The following IFT172 variants were observed in gnomAD, a reference collection of about 807,000 sequenced individuals.
IFT172 encodes the protein intraflagellar transport protein 172 homolog.
Under a neutral mutation model 248.9 loss-of-function variants are expected in IFT172, and 164 were observed. That is an observed-to-expected ratio of 0.66 (90% CI 0.58 to 0.75). The LOEUF (loss-of-function observed/expected upper bound fraction) is 0.75, where lower values mean the gene tolerates loss of function less well. Among genes scored for constraint, IFT172 ranks in the 30% least tolerant of loss-of-function variants. The pLI is 0.00. For synonymous variants in IFT172, 729 were observed against 791.6 expected (o/e 0.92, Z 1.33); for missense variants, 1,950 against 2,192.4 (o/e 0.89, Z 2.21).
Position 27,488,287 on chromosome 2 carries a change from G to C in IFT172, c.39+1328C>G, listed in dbSNP as rs189072381. On this transcript the variant is annotated intron_variant, in intron 1 of 47. Transcript: ENST00000260570. The stretch of plus-strand genomic sequence containing the variant: ...TCCTTCCTCAGCCTCCTGAGTAGCT[G>C]GGATTACAGGCGGCTGCTGCCACGC... 2.5e-4 allele frequency among the ~76,000 whole-genome samples: 38 copies of C among 152,268 alleles called. No homozygotes were observed. The East Asian group carries it at 6.6e-3, about 26-fold the overall frequency.
intron 18 of IFT172, 167 bp downstream of exon 18, chr2:27,465,244 T>G: frequency 1.6e-6 from 1 of 634,094 alleles, no homozygotes; most frequent in Non-Finnish European, 2.8e-6. Flanking sequence ...TAATCTAGGA[T>G]GGGAGAGTGT....
chr2:27,484,870 A>G lies in IFT172; in HGVS notation c.296+148T>C, dbSNP rs1002033413. 6 of 630,388 alleles carry G rather than the reference A, an allele frequency of 9.5e-6. No homozygotes were observed. In the African/African-American group the frequency reaches 1.1e-4, roughly 12 times the overall value. 39.0% of individuals were successfully genotyped at this position (630,388 alleles called of 1,614,324 possible). A position where few individuals can be genotyped will look rare whatever the true frequency, so the allele number is the denominator to read the frequency against. The stretch of plus-strand genomic sequence containing the variant: ...AAGAACACGTGGGACAGGTGAAGGC[A>G]GAAAAGCAAAAACAGACTCCAGAAA... On this transcript the variant is annotated intron_variant, in intron 3 of 47. Coordinates refer to ENST00000260570, the MANE Select transcript of IFT172 (RefSeq NM_015662.3).
chr2:27,478,295 A>C (rs1324303959), intron 10 of IFT172, 139 bp from the exon 11 acceptor site: 2 of 926,950 alleles, frequency 2.2e-6, no homozygotes, highest in Non-Finnish European at 3.2e-6. Context: ...TATTGTTGAT[A>C]GTAATGATAT....
chr2:27,458,290 C>T (rs1666341231), intron 26 of IFT172, 67 bp from the exon 27 acceptor site: 3 of 1,321,484 alleles, frequency 2.3e-6, no homozygotes, highest in East Asian at 2.3e-5. Context: ...TTCAAGGAAA[C>T]CTGCTTGTTC....
In IFT172 at chr2:27,465,510, G is replaced by C. The variant is rs750055951; in HGVS notation, c.1838C>G (p.Ala613Gly). 1.2e-6 allele frequency: 2 copies of C among 1,613,976 alleles called. No individual in the cohort carries two copies. Among genetic ancestry groups the C allele is most frequent in the Non-Finnish European group, 1.7e-6 (2 of 1,180,006 alleles). Reference protein sequence around the residue: ...IDDGNYIRATAFLETLEMTPE... With the variant: ...IDDGNYIRATGFLETLEMTPE... ...GGTCATTTCCAGAGTCTCTAAGAAGGCTGTTGCCCTGGAAAGGGAAGGAAG... is the reference window on the plus strand; with the variant it reads ...GGTCATTTCCAGAGTCTCTAAGAAGCCTGTTGCCCTGGAAAGGGAAGGAAG... Residue 613 changes from alanine (A) to glycine (G), a missense_variant, in exon 18 of 48, where the codon GCC becomes GGC. Transcript: ENST00000260570.
rs1223796005 is a variant in IFT172 at position 27,465,729 on chromosome 2, A to G, written c.1829+17T>C. The G allele has an allele frequency of 6.2e-7, 1 of 1,613,906 alleles. No homozygotes were observed. Among genetic ancestry groups the G allele is most frequent in the Non-Finnish European group, 8.5e-7 (1 of 1,179,992 alleles). ...AGACTCTCCCACCACCTCACTGGTT[A>G]TTGGCCAGCCTCTCACCGGATGTAG... On this transcript the variant is annotated intron_variant, in intron 17 of 47. Transcript: ENST00000260570.
At chr2:27,486,821 T>C (rs1430809318) in intron 1 of IFT172, among the ~76,000 whole-genome samples, 1 of 152,246 alleles carries the variant, frequency 6.6e-6, no homozygotes, top group East Asian at 1.9e-4. Context: ...ATTTTTCCAT[T>C]AGGGCGGAGA....
At chr2:27,487,467 T>C (rs1468263195) in intron 1 of IFT172, among the ~76,000 whole-genome samples, 1 of 152,236 alleles carries the variant, frequency 6.6e-6, no homozygotes, top group Non-Finnish European at 1.5e-5. Context: ...TTTTACCTCA[T>C]AACACTGAGG....
rs1309543802 is a variant in IFT172, at chr2:27,465,530, A to T, written c.1830-12T>A. The T allele has an allele frequency of 1.2e-6, 2 of 1,612,066 alleles. No individual in the cohort carries two copies. The highest frequency in any genetic ancestry group is 1.7e-6 in the Non-Finnish European group (2 of 1,178,236). ...AGAAGGCTGTTGCCCTGGAAAGGGA[A>T]GGAAGCAAAGCATAATGAATGAGGA... is the stretch of plus-strand genomic sequence containing the variant. On this transcript the variant is annotated splice_polypyrimidine_tract_variant and intron_variant, in intron 17 of 47. Coordinates refer to ENST00000260570, the MANE Select transcript of IFT172 (RefSeq NM_015662.3).
chr2:27,463,762 GAA>G (rs1185479536), intron 18 of IFT172, among the ~76,000 whole-genome samples: 2 of 152,144 alleles, frequency 1.3e-5, no homozygotes, highest in African/African-American at 2.4e-5. Context: ...GCAGGATGGG[GAA>G]AAGTTATTCC....
At chr2:27,456,412 C>T in intron 30 of IFT172, 99 bp downstream of exon 30, 3 of 1,462,534 alleles carry the variant, frequency 2.1e-6, no homozygotes, top group South Asian at 1.3e-5. Context: ...CTATCATGTC[C>T]TTCCAAGGAT....
rs1284232579 is a variant in IFT172, at chr2:27,462,695, T to C, written c.2115+6A>G. The stretch of plus-strand genomic sequence containing the variant: ...CTCTTCCATCCTGTCCCTCTTTTCC[T>C]ATTACCTGTTCCAAAAAGATCATTT... On this transcript the variant is annotated splice_donor_region_variant and intron_variant, in intron 20 of 47. Coordinates refer to ENST00000260570, the MANE Select transcript of IFT172 (RefSeq NM_015662.3). The C allele has an allele frequency of 6.2e-7, 1 of 1,611,846 alleles. No homozygotes were observed. The highest frequency in any genetic ancestry group is 8.5e-7 in the Non-Finnish European group (1 of 1,177,958).
In IFT172 at chr2:27,445,563, C is replaced by T. The variant is rs80323009; in HGVS notation, c.4915-114G>A. 1.8e-5 allele frequency: 24 copies of T among 1,337,272 alleles called. No homozygotes were observed. In the East Asian group the frequency reaches 5.6e-4, roughly 31 times the overall value. 82.8% of individuals were successfully genotyped at this position (1,337,272 alleles called of 1,614,324 possible). ...CCTCATCCTGTATACCAGCTTTTAG[C>T]CACGAATCCTCCTTGGATTGGGGGA... On this transcript the variant is annotated intron_variant, in intron 45 of 47. Coordinates refer to ENST00000260570, the MANE Select transcript of IFT172 (RefSeq NM_015662.3). This position sits in a 1 kb window ranked among gnomAD's most constrained non-coding sequence, Gnocchi z 4.4.
intron 14 of IFT172, among the ~76,000 whole-genome samples, chr2:27,475,881 C>T (rs1667923122): frequency 6.6e-6 from 1 of 151,972 alleles, no homozygotes; most frequent in East Asian, 1.9e-4. Flanking sequence ...ATCCGCCCGC[C>T]TCAGCCTCCC....
intron 42 of IFT172, 143 bp from the exon 43 acceptor site, chr2:27,446,498 GT>G (rs11430923): frequency 1.7e-4 from 100 of 587,570 alleles, no homozygotes; most frequent in Admixed American, 4.0e-4. Flanking sequence ...CTGGGTCTTA[GT>G]TTTTTTTTTC....
In IFT172 at chr2:27,457,670, C is replaced by T. The variant is rs759282959; in HGVS notation, c.3197G>A (p.Arg1066Gln). Residue 1066 changes from arginine to glutamine, a missense_variant, in exon 29 of 48, where the codon CGG becomes CAG. By Grantham distance (43) the Arg-to-Gln change is conservative. Around this residue, in one of 3 missense-constraint regions of IFT172, gnomAD observed 164 missense variants for 239.3 expected, o/e 0.69. Coordinates refer to ENST00000260570, the MANE Select transcript of IFT172 (RefSeq NM_015662.3). Reference sequence around the variant, plus strand: ...GGCCTCTTCCCAAAGCCCACTGGCCCGGTACATGTTCACTGTTGCCTTCCA... The same window carrying T: ...GGCCTCTTCCCAAAGCCCACTGGCCTGGTACATGTTCACTGTTGCCTTCCA... ...QEWKATVNMY[R>Q]ASGLWEEAYR... The T allele has an allele frequency of 1.4e-5, 23 of 1,614,074 alleles. No homozygotes were observed. Among genetic ancestry groups the T allele is most frequent in the African/African-American group, 4.0e-5 (3 of 74,930 alleles).
chr2:27,458,353 C>G (rs1179686776), intron 26 of IFT172, 130 bp from the exon 27 acceptor site: 19 of 737,276 alleles, frequency 2.6e-5, no homozygotes, highest in Middle Eastern at 2.9e-4. Flanking sequence ...TGCCACTCTA[C>G]TAGTGAGGTT....
At chr2:27,450,199 T>C (rs1195588542) in intron 35 of IFT172, 103 bp from the exon 36 acceptor site, 1 of 821,114 alleles carries the variant, frequency 1.2e-6, no homozygotes, top group African/African-American at 1.7e-5. Context: ...ATGCCAACTT[T>C]TTCTCTTACT....
chr2:27,489,318 C>A (rs1391225338), intron 1 of IFT172, among the ~76,000 whole-genome samples: 1 of 152,210 alleles, frequency 6.6e-6, no homozygotes, highest in Non-Finnish European at 1.5e-5. Flanking sequence ...GTGCACCTCA[C>A]CCTCTAATAC....
Sources: allele counts gnomAD v4.1 joint callset (sites outside exome capture counted in the v4.1 genomes callset), GRCh38; gene constraint gnomAD v4.1.1; regional missense constraint gnomAD v4.1.1; non-coding constraint Gnocchi (gnomAD v3.1); transcripts MANE v1.5; gene names NCBI Gene and HGNC (gene_info 2026-07-23, HGNC 2026-07-21).